Variants in ADAMTS6 observed in about 807,000 individuals in gnomAD.
ADAMTS6 encodes A disintegrin and metalloproteinase with thrombospondin motifs 6.
ADAMTS6 carries 23 observed loss-of-function variants against 144.3 expected under a neutral mutation model. The ratio of observed to expected loss-of-function variants is 0.16; its 90% CI spans 0.11 to 0.23. The LOEUF is 0.23. ADAMTS6 is among the 10% of genes least tolerant of loss of function. The probability of loss-of-function intolerance (pLI) is 1.00; values close to 1 mark genes in which losing one functional copy is unlikely to be tolerated. For missense variants in ADAMTS6, 999 were observed against 1,379.6 expected (o/e 0.72, Z 4.37); for synonymous variants, 444 against 457.5 (o/e 0.97, Z 0.38).
intron 7 of ADAMTS6, among the ~76,000 whole-genome samples, chr5:65,433,270 A>T (rs1404005930): frequency 6.6e-6 from 1 of 152,140 alleles, no homozygotes; most frequent in African/African-American, 2.4e-5. Context: ...AATAGCTCCA[A>T]ATTATTAATA....
intron 22 of ADAMTS6, among the ~76,000 whole-genome samples, chr5:65,174,979 G>A (rs1753879701): frequency 1.3e-5 from 2 of 152,156 alleles, no homozygotes; most frequent in Admixed American, 6.5e-5. Flanking sequence ...AGCATTAGAG[G>A]TGGGTTGGCC....
At chr5:65,323,523 G>T (rs1745845940) in intron 9 of ADAMTS6, among the ~76,000 whole-genome samples, 1 of 151,932 alleles carries the variant, frequency 6.6e-6, no homozygotes, top group Non-Finnish European at 1.5e-5. Flanking sequence ...ATCATTGTTG[G>T]ACATTTGGGT....
At chr5:65,403,260 T>G (rs1302141306) in intron 7 of ADAMTS6, among the ~76,000 whole-genome samples, 1 of 152,144 alleles carries the variant, frequency 6.6e-6, no homozygotes, top group African/African-American at 2.4e-5. Context: ...CTTTAAACAC[T>G]GAAGGAATCC....
intron 4 of ADAMTS6, among the ~76,000 whole-genome samples, chr5:65,458,583 T>C (rs546182606): frequency 7.8e-4 from 119 of 152,294 alleles, no homozygotes; most frequent in Non-Finnish European, 1.4e-3. Context: ...GGCTTATTTT[T>C]GTATTTTTAG....
At chr5:65,406,550 AG>A (rs1329520624) in intron 7 of ADAMTS6, among the ~76,000 whole-genome samples, 13 of 152,134 alleles carry the variant, frequency 8.5e-5, no homozygotes, top group Admixed American at 8.5e-4. Flanking sequence ...TCCGTTTGCC[AG>A]TATTTTATTG....
chr5:65,210,236 A>G, intron 20 of ADAMTS6: 1 of 163,084 alleles, frequency 6.1e-6, no homozygotes, highest in Admixed American at 6.2e-5. Flanking sequence ...GCGGATCACG[A>G]GGTCAGGAGA....
chr5:65,370,239 C>T (rs943854568), intron 7 of ADAMTS6, among the ~76,000 whole-genome samples: 15 of 152,282 alleles, frequency 9.9e-5, no homozygotes, highest in African/African-American at 3.6e-4. Context: ...GAAATCCCAT[C>T]TCTACTAAAA....
chr5:65,166,208 C>CA (rs1302033134), intron 24 of ADAMTS6, among the ~76,000 whole-genome samples: 1 of 143,582 alleles, frequency 7.0e-6, no homozygotes, highest in Non-Finnish European at 1.5e-5. Flanking sequence ...AAATGGAAAA[C>CA]AAAAAAATGC....
intron 7 of ADAMTS6, among the ~76,000 whole-genome samples, chr5:65,443,559 T>C (rs1403361195): frequency 7.2e-6 from 1 of 138,500 alleles, no homozygotes; most frequent in Admixed American, 7.5e-5. Context: ...GAGGCAGGGG[T>C]TGCAATGAGC....
At chr5:65,336,903 T>C (rs1237404211) in intron 7 of ADAMTS6, among the ~76,000 whole-genome samples, 1 of 152,066 alleles carries the variant, frequency 6.6e-6, no homozygotes, top group African/African-American at 2.4e-5. Flanking sequence ...AAAAAAAATT[T>C]ATATGTGGCT....
intron 7 of ADAMTS6, among the ~76,000 whole-genome samples, chr5:65,344,443 A>G (rs1306533959): frequency 6.6e-6 from 1 of 151,926 alleles, no homozygotes; most frequent in Admixed American, 6.6e-5. Flanking sequence ...ATTTTTAGTT[A>G]CCAACATATT....
rs551573573 is a variant in ADAMTS6 at position 65,261,398 on chromosome 5, T to A, written c.1767-735A>T. ...CCATTGAGTGATAAAAACAACTAAT[T>A]TCTTCTTTTAAAAGAGGTCCAGTTT... On this transcript the variant is annotated intron_variant, in intron 13 of 24. Coordinates refer to ENST00000381055, the MANE Select transcript of ADAMTS6 (RefSeq NM_197941.4). Among the ~76,000 whole-genome samples, 170 of 152,292 alleles carry A rather than the reference T, an allele frequency of 1.1e-3. 1 individual carries two copies. Among genetic ancestry groups the A allele is most frequent in the Non-Finnish European group, 2.2e-3 (148 of 68,010 alleles).
At chr5:65,410,701 C>T (rs1040803976) in intron 7 of ADAMTS6, among the ~76,000 whole-genome samples, 1 of 152,072 alleles carries the variant, frequency 6.6e-6, no homozygotes, top group Non-Finnish European at 1.5e-5. Flanking sequence ...TTCTGGCAAC[C>T]ACCATTTTAC....
rs887545052 is a variant in ADAMTS6, at chr5:65,234,227, G to A, written c.1933+7877C>T. On this transcript the variant is annotated intron_variant, in intron 15 of 24. Coordinates refer to ENST00000381055, the MANE Select transcript of ADAMTS6 (RefSeq NM_197941.4). ...GCTCCAGCACAATGGTCTTGGCAACGATTTTTTGGATATGACACCAAAAGC... is the reference window on the plus strand; with the variant it reads ...GCTCCAGCACAATGGTCTTGGCAACAATTTTTTGGATATGACACCAAAAGC... Among the ~76,000 whole-genome samples the A allele has an allele frequency of 4.6e-5, 7 of 151,900 alleles. No homozygotes were observed. In the East Asian group the frequency reaches 5.8e-4, roughly 13 times the overall value.
chr5:65,153,633 A>T (rs1419458766), intron 24 of ADAMTS6, among the ~76,000 whole-genome samples: 1 of 152,222 alleles, frequency 6.6e-6, no homozygotes, highest in Non-Finnish European at 1.5e-5. Flanking sequence ...TTACTCTCCA[A>T]ATATCTCAAT....
intron 7 of ADAMTS6, among the ~76,000 whole-genome samples, chr5:65,446,913 C>T (rs932491583): frequency 3.9e-5 from 6 of 151,998 alleles, no homozygotes; most frequent in Non-Finnish European, 8.8e-5. Flanking sequence ...TGAATATACT[C>T]AAAACCAGTG....
At chr5:65,335,154 G>C (rs1289287082) in intron 7 of ADAMTS6, among the ~76,000 whole-genome samples, 6 of 152,076 alleles carry the variant, frequency 3.9e-5, no homozygotes, top group African/African-American at 1.4e-4. Context: ...ATATCACTGG[G>C]TTGTTGAACT....
intron 18 of ADAMTS6, among the ~76,000 whole-genome samples, chr5:65,222,611 T>C (rs1757410132): frequency 6.6e-6 from 1 of 152,138 alleles, no homozygotes; most frequent in Non-Finnish European, 1.5e-5. Flanking sequence ...CTTCCCCAAA[T>C]AGATTTGCCT....
intron 7 of ADAMTS6, among the ~76,000 whole-genome samples, chr5:65,405,504 T>C (rs1202291458): frequency 3.3e-5 from 5 of 152,172 alleles, no homozygotes; most frequent in African/African-American, 1.2e-4. Flanking sequence ...CATTGATCTA[T>C]ATCTCTGTTT....
Sources: gnomAD v4.1 joint callset for allele counts (sites outside exome capture counted in the v4.1 genomes callset) on GRCh38, gnomAD v4.1.1 for gene constraint, MANE v1.5 for transcripts, NCBI Gene and HGNC (gene_info 2026-07-23, HGNC 2026-07-21) for gene names.